Variants in GMDS observed in about 807,000 individuals in gnomAD.
GMDS encodes GDP-mannose 4,6 dehydratase.
Under a neutral mutation model 49.9 loss-of-function variants are expected in GMDS, and 20 were observed. The observed-to-expected ratio is 0.40, with a 90% confidence interval of 0.28 to 0.58. GMDS has a LOEUF of 0.58. Ranked by LOEUF, GMDS falls within the 20% of genes least tolerant of loss-of-function variation. The pLI, the probability that GMDS is intolerant of heterozygous loss-of-function variation, is 0.42. For synonymous variants in GMDS, 177 were observed against 178.6 expected, an observed-to-expected ratio of 0.99 and a Z score of 0.07; for missense variants, 362 against 481.4, an observed-to-expected ratio of 0.75 and a Z score of 2.32.
chr6:1,696,559 G>A (rs748321435), intron 9 of GMDS, among the ~76,000 whole-genome samples: 1 of 152,230 alleles, frequency 6.6e-6, no homozygotes, highest in African/African-American at 2.4e-5. Context: ...GCTTTCACAC[G>A]TTACTGACAG....
chr6:2,101,203 A>C (rs1352121473), intron 4 of GMDS, among the ~76,000 whole-genome samples: 1 of 151,930 alleles, frequency 6.6e-6, no homozygotes, highest in Non-Finnish European at 1.5e-5. Flanking sequence ...TAAGGGTTTA[A>C]CCGGGATGTT....
intron 4 of GMDS, among the ~76,000 whole-genome samples, chr6:2,074,182 A>AT (rs778562630): frequency 2.0e-5 from 3 of 152,050 alleles, no homozygotes; most frequent in African/African-American, 7.2e-5. Context: ...AACATCTGCT[A>AT]TTTTTTGCCT....
intron 1 of GMDS, among the ~76,000 whole-genome samples, chr6:2,176,444 A>G (rs1458665228): frequency 6.6e-6 from 1 of 152,182 alleles, no homozygotes; most frequent in Non-Finnish European, 1.5e-5. Context: ...CATGAAGTCG[A>G]GCAAAGATTA....
In GMDS at chr6:2,245,552, C is replaced by A. The variant is rs890091602; in HGVS notation, c.-130G>T. ...CTGCGGGCAGGGAGGGAGAGCGCACCGCGCGACCGGCCGCCACAGTCTGAC... is the reference window on the plus strand; with the variant it reads ...CTGCGGGCAGGGAGGGAGAGCGCACAGCGCGACCGGCCGCCACAGTCTGAC... On this transcript the variant is annotated 5_prime_UTR_variant, in exon 1 of 11. Transcript: ENST00000380815. 3 of 459,986 alleles carry A rather than the reference C, an allele frequency of 6.5e-6. No homozygotes were observed. Among genetic ancestry groups the A allele is most frequent in the Non-Finnish European group, 7.2e-6 (2 of 277,802 alleles). 28.5% of individuals were successfully genotyped at this position (459,986 alleles called of 1,614,324 possible).
chr6:2,012,679 T>C (rs1767632901), intron 4 of GMDS, among the ~76,000 whole-genome samples: 1 of 152,132 alleles, frequency 6.6e-6, no homozygotes, highest in Non-Finnish European at 1.5e-5. Context: ...GCGGTTGAGA[T>C]TGGCTTATCT....
intron 4 of GMDS, among the ~76,000 whole-genome samples, chr6:1,971,150 C>T (rs1304066909): frequency 6.6e-6 from 1 of 152,080 alleles, no homozygotes; most frequent in Non-Finnish European, 1.5e-5. Context: ...AGAAGCTATT[C>T]TGGAGCAAAT....
intron 7 of GMDS, among the ~76,000 whole-genome samples, chr6:1,772,046 G>A (rs747840809): frequency 2.0e-4 from 31 of 152,302 alleles, no homozygotes; most frequent in Non-Finnish European, 2.4e-4. Flanking sequence ...GCCTTACTGA[G>A]GTCTGGGCTT....
chr6:1,856,972 G>A (rs2113777596), intron 7 of GMDS, among the ~76,000 whole-genome samples: 1 of 152,260 alleles, frequency 6.6e-6, no homozygotes, highest in South Asian at 2.1e-4. Flanking sequence ...TATCATCTAA[G>A]AAACTAAACT....
At chr6:2,053,420 A>G (rs1400073444) in intron 4 of GMDS, among the ~76,000 whole-genome samples, 1 of 152,122 alleles carries the variant, frequency 6.6e-6, no homozygotes, top group East Asian at 1.9e-4. Context: ...CAACCACACA[A>G]ATGGCATATA....
intron 7 of GMDS, among the ~76,000 whole-genome samples, chr6:1,910,490 G>T (rs1433952693): frequency 6.6e-6 from 1 of 151,950 alleles, no homozygotes; most frequent in Non-Finnish European, 1.5e-5. Flanking sequence ...TACGGAAAAA[G>T]TGTTCAAAAG....
intron 7 of GMDS, among the ~76,000 whole-genome samples, chr6:1,863,484 G>A (rs1758291020): frequency 6.6e-6 from 1 of 152,100 alleles, no homozygotes. Context: ...AAAATATTGT[G>A]TGTGTGCGTG....
intron 1 of GMDS, among the ~76,000 whole-genome samples, chr6:2,159,773 T>C (rs1172471122): frequency 6.6e-6 from 1 of 152,118 alleles, no homozygotes; most frequent in Non-Finnish European, 1.5e-5. Flanking sequence ...TGCCTTGGCC[T>C]CCCAAAGTGC....
At chr6:1,861,618 C>CAAAAAAAAA (rs563437388) in intron 7 of GMDS, among the ~76,000 whole-genome samples, 1 of 108,028 alleles carries the variant, frequency 9.3e-6, no homozygotes. Flanking sequence ...CTCTTTCTCC[C>CAAAAAAAAA]AAAAAAAAAA....
chr6:2,206,883 T>C (rs906118349), intron 1 of GMDS, among the ~76,000 whole-genome samples: 2 of 152,176 alleles, frequency 1.3e-5, no homozygotes, highest in African/African-American at 4.8e-5. Context: ...TTACCTGTTA[T>C]CTGAAATTAC....
chr6:1,752,405 T>A (rs1767770341), intron 7 of GMDS, among the ~76,000 whole-genome samples: 2 of 152,202 alleles, frequency 1.3e-5, no homozygotes, highest in African/African-American at 4.8e-5. Flanking sequence ...CAAACCTACC[T>A]TTGATTGGTG....
chr6:2,078,059 C>G (rs1772450752), intron 4 of GMDS, among the ~76,000 whole-genome samples: 1 of 151,928 alleles, frequency 6.6e-6, no homozygotes, highest in Admixed American at 6.6e-5. Context: ...ATTTTCCAGT[C>G]TGTTAGTGTG....
rs554276452 is a variant in GMDS at position 1,756,312 on chromosome 6, G to A, written c.772-13726C>T. Among the ~76,000 whole-genome samples the A allele has an allele frequency of 7.9e-4, 117 of 147,562 alleles. 1 individual carries two copies. In the South Asian group the frequency reaches 0.025, roughly 31 times the overall value. Reference sequence around the variant, plus strand: ...GAGTTTCGCTTTTGTCTCCCTGGCTGGAGTACAATGGCGCAATCTCAGCTC... The same window carrying A: ...GAGTTTCGCTTTTGTCTCCCTGGCTAGAGTACAATGGCGCAATCTCAGCTC... On this transcript the variant is annotated intron_variant, in intron 7 of 10. Coordinates refer to ENST00000380815, the MANE Select transcript of GMDS (RefSeq NM_001500.4).
intron 7 of GMDS, among the ~76,000 whole-genome samples, chr6:1,850,565 G>A (rs1305904816): frequency 6.6e-6 from 1 of 152,110 alleles, no homozygotes; most frequent in African/African-American, 2.4e-5. Flanking sequence ...CTCAAATTGG[G>A]TGGAAACAAA....
At position 1,652,624 on chromosome 6, in the gene GMDS, ATT is replaced by A. The variant is rs1410161922; in HGVS notation, c.988-28086_988-28085del. Among the ~76,000 whole-genome samples the A allele has an allele frequency of 4.1e-3, 17 of 4,166 alleles. 2 individuals carry two copies. Among genetic ancestry groups the A allele is most frequent in the Non-Finnish European group, 5.9e-3 (12 of 2,024 alleles). 2.7% of individuals were successfully genotyped at this position (4,166 alleles called of 152,430 possible). A position where few individuals can be genotyped will look rare whatever the true frequency, so the allele number is the denominator to read the frequency against. Reference sequence around the variant, plus strand: ...ATATATAATATATATAATATATATTATTTATATATAATATATATAATATATAT... The same window carrying A: ...ATATATAATATATATAATATATATTATATATATAATATATATAATATATAT... On this transcript the variant is annotated intron_variant, in intron 9 of 10. Transcript: ENST00000380815.
Sources: gnomAD v4.1 joint callset for allele counts (sites outside exome capture counted in the v4.1 genomes callset) on GRCh38, gnomAD v4.1.1 for gene constraint, MANE v1.5 for transcripts, NCBI Gene and HGNC (gene_info 2026-07-23, HGNC 2026-07-21) for gene names.